PTPRD: variants seen among roughly 807,000 people sequenced by gnomAD.
PTPRD encodes the protein receptor-type tyrosine-protein phosphatase delta.
A neutral mutation model predicts 214.5 loss-of-function variants in PTPRD; 34 were observed. That is an observed-to-expected ratio of 0.16 (90% CI 0.12 to 0.21). The LOEUF is 0.21. Ranked by LOEUF, PTPRD falls within the 10% of genes least tolerant of loss-of-function variation. The pLI, the probability that PTPRD is intolerant of heterozygous loss-of-function variation, is 1.00. For missense variants in PTPRD, 2,545 were observed against 2,398.7 expected, an observed-to-expected ratio of 1.06 and a Z score of -1.27; for synonymous variants, 1,128 against 845.7, an observed-to-expected ratio of 1.33 and a Z score of -5.79.
At chr9:8,407,697 G>C (rs757012052) in intron 35 of PTPRD, among the ~76,000 whole-genome samples, 17 of 152,236 alleles carry the variant, frequency 1.1e-4, no homozygotes, top group Middle Eastern at 3.4e-3. Context: ...AATGAGGTTG[G>C]CTTCACATGG....
intron 8 of PTPRD, among the ~76,000 whole-genome samples, chr9:9,540,882 A>T (rs954821816): frequency 1.3e-5 from 2 of 151,800 alleles, no homozygotes; most frequent in Non-Finnish European, 2.9e-5. Context: ...GGGATGCAAA[A>T]CGTTGCCATA....
intron 9 of PTPRD, among the ~76,000 whole-genome samples, chr9:9,247,037 A>G (rs771625541): frequency 2.3e-4 from 21 of 92,680 alleles, no homozygotes; most frequent in Non-Finnish European, 4.1e-4. Context: ...CTTTCCCAAG[A>G]TAAGTCATAG....
chr9:9,757,201 A>C (rs1052594397), intron 6 of PTPRD, among the ~76,000 whole-genome samples: 11 of 152,186 alleles, frequency 7.2e-5, no homozygotes, highest in African/African-American at 1.9e-4. Flanking sequence ...TGCAAAGGAT[A>C]CTAATCAATT....
chr9:9,038,350 T>C (rs892575710), intron 10 of PTPRD, among the ~76,000 whole-genome samples: 3 of 152,086 alleles, frequency 2.0e-5, no homozygotes, highest in African/African-American at 4.8e-5. Context: ...CTCAGATGTA[T>C]TCATTTTACT....
At position 10,144,893 on chromosome 9, in the gene PTPRD, T is replaced by A. The variant is rs182176270; in HGVS notation, c.-544-111103A>T. On this transcript the variant is annotated intron_variant, in intron 3 of 45. Transcript: ENST00000381196. ...TTTTTTTATTAGCCAAAATTAAAAA[T>A]AAAATTAGTATTAAACTACAGCATT... 7.9e-4 allele frequency among the ~76,000 whole-genome samples: 120 copies of A among 151,998 alleles called. 1 individual carries two copies. The East Asian group carries it at 0.019, about 25-fold the overall frequency.
At position 8,658,518 on chromosome 9, in the gene PTPRD, C is replaced by A. The variant is rs570309210; in HGVS notation, c.65-21674G>T. Among the ~76,000 whole-genome samples, 78 of 152,096 alleles carry A rather than the reference C, an allele frequency of 5.1e-4. No individual in the cohort carries two copies. The South Asian group carries it at 0.012, about 23-fold the overall frequency. On this transcript the variant is annotated intron_variant, in intron 12 of 45. Transcript: ENST00000381196. ...GATATTTTTCTATTAGTACCAGTAGCCAATATGTCTATTTTTAAAAAATGA... is the reference window on the plus strand; with the variant it reads ...GATATTTTTCTATTAGTACCAGTAGACAATATGTCTATTTTTAAAAAATGA...
intron 11 of PTPRD, among the ~76,000 whole-genome samples, chr9:8,945,787 A>C (rs1009568055): frequency 6.6e-6 from 1 of 152,152 alleles, no homozygotes; most frequent in Non-Finnish European, 1.5e-5. Flanking sequence ...CATCTAGCTA[A>C]GATGCATCCT....
chr9:9,173,995 T>C (rs981109668), intron 10 of PTPRD, among the ~76,000 whole-genome samples: 13 of 152,094 alleles, frequency 8.5e-5, no homozygotes, highest in African/African-American at 2.7e-4. Flanking sequence ...AGAGATTCCA[T>C]AGACATATAT....
At chr9:8,472,102 T>C (rs1490527001) in intron 30 of PTPRD, among the ~76,000 whole-genome samples, 1 of 152,142 alleles carries the variant, frequency 6.6e-6, no homozygotes, top group Non-Finnish European at 1.5e-5. Context: ...AAGACAGATC[T>C]GTAGAGATTA....
intron 2 of PTPRD, among the ~76,000 whole-genome samples, chr9:10,491,825 T>A (rs1458497485): frequency 6.6e-6 from 1 of 151,936 alleles, no homozygotes; most frequent in Non-Finnish European, 1.5e-5. Flanking sequence ...CAACCCATCA[T>A]CTACATTAGG....
chr9:8,732,227 G>T (rs866564150), intron 12 of PTPRD, among the ~76,000 whole-genome samples: 1 of 152,062 alleles, frequency 6.6e-6, no homozygotes, highest in African/African-American at 2.4e-5. Flanking sequence ...TTAAGCAAAG[G>T]CATCACTCCT....
At chr9:9,678,437 T>C (rs1397484380) in intron 7 of PTPRD, among the ~76,000 whole-genome samples, 2 of 151,994 alleles carry the variant, frequency 1.3e-5, no homozygotes, top group Non-Finnish European at 2.9e-5. Context: ...CATCTGATCT[T>C]TGACAAACCT....
chr9:8,638,232 C>G lies in PTPRD; in HGVS notation c.65-1388G>C, dbSNP rs116061803. Among the ~76,000 whole-genome samples the G allele has an allele frequency of 1.2e-3, 183 of 151,458 alleles. 1 individual carries two copies. The highest frequency in any genetic ancestry group is 4.3e-3 in the African/African-American group (177 of 41,288). ...AGCTAAAATTGATTTTGAAAACAAT[C>G]CTTGGATTATAAAAAAGAAAAAAGT... is the stretch of plus-strand genomic sequence containing the variant. On this transcript the variant is annotated intron_variant, in intron 12 of 45. Coordinates refer to ENST00000381196, the MANE Select transcript of PTPRD (RefSeq NM_002839.4).
intron 9 of PTPRD, among the ~76,000 whole-genome samples, chr9:9,277,085 C>T (rs1945940924): frequency 6.6e-6 from 1 of 151,312 alleles, no homozygotes; most frequent in South Asian, 2.1e-4. Context: ...CAATTCAATC[C>T]CTTGTCTATA....
At chr9:10,237,461 A>G (rs1324894049) in intron 3 of PTPRD, among the ~76,000 whole-genome samples, 2 of 151,936 alleles carry the variant, frequency 1.3e-5, no homozygotes, top group Non-Finnish European at 2.9e-5. Context: ...AGGGATACAT[A>G]CCAATAGGGA....
intron 3 of PTPRD, among the ~76,000 whole-genome samples, chr9:10,288,541 A>T (rs1055109227): frequency 6.6e-6 from 1 of 152,212 alleles, no homozygotes; most frequent in Non-Finnish European, 1.5e-5. Flanking sequence ...TGCAATATCT[A>T]AAAGTCCACT....
intron 2 of PTPRD, among the ~76,000 whole-genome samples, chr9:10,588,038 G>C (rs749125024): frequency 1.7e-4 from 26 of 151,964 alleles, no homozygotes; most frequent in Non-Finnish European, 3.4e-4. Context: ...GATCATAGAA[G>C]ACAATGCTGT....
intron 8 of PTPRD, among the ~76,000 whole-genome samples, chr9:9,467,509 C>T (rs924380337): frequency 1.5e-4 from 22 of 143,876 alleles, no homozygotes; most frequent in African/African-American, 4.1e-4. Context: ...ATTGCTTGAA[C>T]CCAGGAAGCG....
intron 3 of PTPRD, among the ~76,000 whole-genome samples, chr9:10,158,089 ACCT>A (rs942867974): frequency 1.3e-5 from 2 of 150,870 alleles, no homozygotes; most frequent in Admixed American, 1.3e-4. Flanking sequence ...GCTCACTACA[ACCT>A]CCTCCTCCTG....
Sources: gnomAD v4.1 joint callset for allele counts (sites outside exome capture counted in the v4.1 genomes callset) on GRCh38, gnomAD v4.1.1 for gene constraint, MANE v1.5 for transcripts, NCBI Gene and HGNC (gene_info 2026-07-23, HGNC 2026-07-21) for gene names.